Variants in RAB38 observed in about 807,000 individuals in gnomAD.
The protein encoded by RAB38 is RAB38, member RAS oncogene family, also known as ras-related protein Rab-38.
RAB38 carries 15 observed loss-of-function variants against 18.4 expected under a neutral mutation model. That is an observed-to-expected ratio of 0.82 (90% CI 0.55 to 1.26). RAB38 has a LOEUF of 1.26. Ranked by LOEUF, RAB38 falls within the 50% of genes most tolerant of loss-of-function variation. The pLI, the probability that RAB38 is intolerant of heterozygous loss-of-function variation, is 0.00. For synonymous variants in RAB38, 101 were observed against 104.4 expected (o/e 0.97, Z 0.20); for missense variants, 294 against 267.4 (o/e 1.10, Z -0.69).
chr11:88,089,572 T>A, the RAB38 span, among the ~76,000 whole-genome samples: 1 of 151,964 alleles, frequency 6.6e-6, no homozygotes, highest in African/African-American at 2.4e-5. Context: ...CTAACCTTGC[T>A]ACAATTGACT....
chr11:88,169,867 T>C (rs1200882197), intron 1 of RAB38, among the ~76,000 whole-genome samples: 1 of 152,252 alleles, frequency 6.6e-6, no homozygotes, highest in East Asian at 1.9e-4. Flanking sequence ...TGTGTCATCA[T>C]GCTGATGAAG....
chr11:87,825,180 G>A, the RAB38 span, among the ~76,000 whole-genome samples: 1 of 152,038 alleles, frequency 6.6e-6, no homozygotes, highest in Admixed American at 6.6e-5. Context: ...GTAAAATAAA[G>A]GAATTATCAG....
At chr11:88,107,558 TC>T in the RAB38 span, among the ~76,000 whole-genome samples, 33 of 1,318 alleles carry the variant, frequency 0.025, no homozygotes, top group East Asian at 0.083. Context: ...GTTAATCTTT[TC>T]AAAAAAAAAA....
At chr11:88,132,114 T>G (rs2134796965) in intron 2 of RAB38, among the ~76,000 whole-genome samples, 1 of 152,286 alleles carries the variant, frequency 6.6e-6, no homozygotes, top group South Asian at 2.1e-4. Context: ...AGAATCTGAG[T>G]AAAGGACCCA....
chr11:88,040,539 C>G, the RAB38 span, among the ~76,000 whole-genome samples: 2 of 152,134 alleles, frequency 1.3e-5, no homozygotes, highest in Non-Finnish European at 2.9e-5. Context: ...AAACCCATCT[C>G]TACAGAAAAT....
At chr11:87,934,962 T>C in the RAB38 span, among the ~76,000 whole-genome samples, 5 of 152,126 alleles carry the variant, frequency 3.3e-5, 1 homozygote, top group South Asian at 1.0e-3. Flanking sequence ...GAAGAGACTG[T>C]GTGGAGCCTG....
chr11:88,159,831 A>G (rs1319906589), intron 1 of RAB38, among the ~76,000 whole-genome samples: 3 of 152,248 alleles, frequency 2.0e-5, no homozygotes, highest in Admixed American at 6.5e-5. Context: ...CATTAATTCA[A>G]GATGGAATGA....
At chr11:87,954,866 T>C in the RAB38 span, among the ~76,000 whole-genome samples, 493 of 152,272 alleles carry the variant, frequency 3.2e-3, 2 homozygotes, top group African/African-American at 0.011. Context: ...TTATCCCGTG[T>C]TTATGAAAGA....
chr11:88,071,713 G>T, the RAB38 span, among the ~76,000 whole-genome samples: 1 of 152,166 alleles, frequency 6.6e-6, no homozygotes, highest in Non-Finnish European at 1.5e-5. Flanking sequence ...AATAGCAATT[G>T]ATTGGTAATA....
the RAB38 span, among the ~76,000 whole-genome samples, chr11:88,088,473 C>T: frequency 5.0e-3 from 762 of 151,936 alleles, 11 homozygotes; most frequent in Admixed American, 0.023. Context: ...AATTAATCAT[C>T]AGGTGATCTT....
At chr11:87,959,348 G>C in the RAB38 span, among the ~76,000 whole-genome samples, 1 of 152,050 alleles carries the variant, frequency 6.6e-6, no homozygotes, top group African/African-American at 2.4e-5. Flanking sequence ...TTGTACTTTA[G>C]AAAATAAGGA....
chr11:87,906,352 A>T, the RAB38 span, among the ~76,000 whole-genome samples: 1 of 151,958 alleles, frequency 6.6e-6, no homozygotes. Context: ...TGGATGGAGT[A>T]AATGTAGCAC....
chr11:87,877,470 C>T, the RAB38 span, among the ~76,000 whole-genome samples: 881 of 151,634 alleles, frequency 5.8e-3, 4 homozygotes, highest in African/African-American at 0.02. Flanking sequence ...ATGCTATCTC[C>T]TTTGTTTGCT....
chr11:88,081,653 T>C, the RAB38 span, among the ~76,000 whole-genome samples: 3 of 152,064 alleles, frequency 2.0e-5, no homozygotes, highest in South Asian at 6.2e-4. Context: ...TCCTTCTGTA[T>C]TTCATAGAAG....
At chr11:87,846,186 A>C in the RAB38 span, among the ~76,000 whole-genome samples, 1 of 152,056 alleles carries the variant, frequency 6.6e-6, no homozygotes, top group Non-Finnish European at 1.5e-5. Flanking sequence ...GAGGATATGC[A>C]AACAAAAACC....
chr11:88,088,712 A>T, the RAB38 span, among the ~76,000 whole-genome samples: 1 of 151,854 alleles, frequency 6.6e-6, no homozygotes, highest in South Asian at 2.1e-4. Flanking sequence ...CCAATTAAAC[A>T]TTCTAGGCCA....
chr11:88,048,896 C>CCTCCCAATT, the RAB38 span, among the ~76,000 whole-genome samples: 1 of 152,158 alleles, frequency 6.6e-6, no homozygotes, highest in Non-Finnish European at 1.5e-5. Flanking sequence ...TGTCCTAGGT[C>CCTCCCAATT]CTCCCAATTC....
chr11:87,945,874 T>G, the RAB38 span, among the ~76,000 whole-genome samples: 1 of 152,140 alleles, frequency 6.6e-6, no homozygotes, highest in Non-Finnish European at 1.5e-5. Context: ...TAAGTTAGCT[T>G]TTATTGGAAA....
At chr11:88,044,625 T>C in the RAB38 span, among the ~76,000 whole-genome samples, 2 of 152,164 alleles carry the variant, frequency 1.3e-5, no homozygotes, top group Admixed American at 1.3e-4. Context: ...TGCCGTAAAA[T>C]GGGCAAACGG....
Sources: gnomAD v4.1 joint callset for allele counts (sites outside exome capture counted in the v4.1 genomes callset) on GRCh38, gnomAD v4.1.1 for gene constraint, MANE v1.5 for transcripts, NCBI Gene and HGNC (gene_info 2026-07-23, HGNC 2026-07-21) for gene names.